Variants in CHCHD6 observed in about 807,000 individuals in gnomAD.
The protein encoded by CHCHD6 is MICOS complex subunit MIC25.
A neutral mutation model predicts 32.3 loss-of-function variants in CHCHD6; 28 were observed. The ratio of observed to expected loss-of-function variants is 0.87; its 90% CI spans 0.64 to 1.19. The LOEUF is 1.19. Ranked by LOEUF, CHCHD6 falls within the 50% of genes most tolerant of loss-of-function variation. The pLI, the probability that CHCHD6 is intolerant of heterozygous loss-of-function variation, is 0.00. For missense variants in CHCHD6, 333 were observed against 307.0 expected (o/e 1.08, Z -0.63); for synonymous variants, 122 against 117.5 (o/e 1.04, Z -0.25).
At chr3:126,907,658 A>G (rs2078025766) in intron 5 of CHCHD6, among the ~76,000 whole-genome samples, 1 of 152,160 alleles carries the variant, frequency 6.6e-6, no homozygotes, top group Non-Finnish European at 1.5e-5. Flanking sequence ...GTGTTTGGCC[A>G]TGTTGATAGC....
chr3:126,870,872 T>A (rs1035836797), intron 5 of CHCHD6, among the ~76,000 whole-genome samples: 2 of 152,232 alleles, frequency 1.3e-5, no homozygotes, highest in Non-Finnish European at 2.9e-5. Context: ...TTCACCAATC[T>A]GTAGTTTGCA....
chr3:126,840,671 T>A (rs1317361506), intron 4 of CHCHD6, among the ~76,000 whole-genome samples: 2 of 152,134 alleles, frequency 1.3e-5, no homozygotes, highest in Non-Finnish European at 2.9e-5. Context: ...CTTTTCTGAT[T>A]AAATATTTAA....
At chr3:126,816,290 G>A (rs1224386292) in intron 4 of CHCHD6, among the ~76,000 whole-genome samples, 1 of 152,206 alleles carries the variant, frequency 6.6e-6, no homozygotes, top group East Asian at 1.9e-4. Flanking sequence ...CATGGGCTTG[G>A]CGCTTTCTCG....
intron 4 of CHCHD6, among the ~76,000 whole-genome samples, chr3:126,775,345 A>G (rs1442303631): frequency 4.6e-5 from 7 of 152,114 alleles, no homozygotes. Flanking sequence ...TCAAATAGAG[A>G]TTGAATATTT....
intron 1 of CHCHD6, among the ~76,000 whole-genome samples, chr3:126,712,850 T>C (rs944512316): frequency 1.3e-5 from 2 of 152,242 alleles, no homozygotes; most frequent in African/African-American, 2.4e-5. Flanking sequence ...TACATTTAAT[T>C]GACTGTGTCC....
At chr3:126,831,806 G>T (rs1208812093) in intron 4 of CHCHD6, among the ~76,000 whole-genome samples, 1 of 152,016 alleles carries the variant, frequency 6.6e-6, no homozygotes, top group African/African-American at 2.4e-5. Flanking sequence ...CTGCCATCAA[G>T]AAGAAGAGTG....
intron 4 of CHCHD6, among the ~76,000 whole-genome samples, chr3:126,819,684 C>A (rs564763655): frequency 1.3e-5 from 2 of 152,310 alleles, no homozygotes; most frequent in African/African-American, 4.8e-5. Context: ...GTAGAAGACT[C>A]TTGGCAAATA....
chr3:126,822,378 A>G (rs1453200218), intron 4 of CHCHD6, among the ~76,000 whole-genome samples: 1 of 152,196 alleles, frequency 6.6e-6, no homozygotes, highest in African/African-American at 2.4e-5. Flanking sequence ...GAATGTAAAT[A>G]TAAGGGTTGA....
intron 4 of CHCHD6, among the ~76,000 whole-genome samples, chr3:126,737,814 C>T (rs1010804508): frequency 4.6e-5 from 7 of 151,788 alleles, no homozygotes; most frequent in African/African-American, 9.7e-5. Context: ...TTATAGGAAG[C>T]GGCAGGGTGT....
intron 2 of CHCHD6, among the ~76,000 whole-genome samples, chr3:126,729,249 G>A (rs566115957): frequency 8.5e-5 from 13 of 152,288 alleles, no homozygotes; most frequent in African/African-American, 3.1e-4. Context: ...ATCTTAATAT[G>A]TAGCGAGTTC....
At chr3:126,893,387 T>C (rs1334394636) in intron 5 of CHCHD6, among the ~76,000 whole-genome samples, 6 of 152,224 alleles carry the variant, frequency 3.9e-5, no homozygotes, top group Non-Finnish European at 7.3e-5. Flanking sequence ...TAGCCCTGAG[T>C]GACTCATTCG....
chr3:126,739,718 T>C (rs1439392320), intron 4 of CHCHD6, among the ~76,000 whole-genome samples: 1 of 152,182 alleles, frequency 6.6e-6, no homozygotes, highest in Non-Finnish European at 1.5e-5. Context: ...CTTTTTTCAT[T>C]TGGCTTTTTT....
At chr3:126,834,870 G>C (rs1236532414) in intron 4 of CHCHD6, among the ~76,000 whole-genome samples, 1 of 152,132 alleles carries the variant, frequency 6.6e-6, no homozygotes, top group African/African-American at 2.4e-5. Flanking sequence ...GAGCACTTGG[G>C]CAGGCAGGGT....
intron 5 of CHCHD6, among the ~76,000 whole-genome samples, chr3:126,882,933 C>T (rs2077630651): frequency 6.6e-6 from 1 of 152,198 alleles, no homozygotes; most frequent in African/African-American, 2.4e-5. Flanking sequence ...TGAGGCTGCT[C>T]ACTGGAATGA....
At chr3:126,905,928 G>A (rs1050574723) in intron 5 of CHCHD6, among the ~76,000 whole-genome samples, 4 of 152,094 alleles carry the variant, frequency 2.6e-5, no homozygotes, top group East Asian at 1.9e-4. Context: ...ACCAAGAGAC[G>A]AGGGCATGTA....
At chr3:126,717,474 TG>T (rs1935075015) in intron 1 of CHCHD6, among the ~76,000 whole-genome samples, 2 of 152,150 alleles carry the variant, frequency 1.3e-5, no homozygotes, top group South Asian at 4.1e-4. Flanking sequence ...TAGACCTGTA[TG>T]GTTTAATAAA....
intron 1 of CHCHD6, among the ~76,000 whole-genome samples, chr3:126,720,407 G>A (rs1935227771): frequency 6.6e-6 from 1 of 152,170 alleles, no homozygotes; most frequent in Non-Finnish European, 1.5e-5. Flanking sequence ...GGGGCCTGGT[G>A]CATTCCCACA....
chr3:126,827,008 G>C (rs532334744), intron 4 of CHCHD6, among the ~76,000 whole-genome samples: 1 of 152,172 alleles, frequency 6.6e-6, no homozygotes, highest in Non-Finnish European at 1.5e-5. Context: ...GGATGTTTGT[G>C]GGGGGCCACA....
chr3:126,746,888 C>T (rs918670221), intron 4 of CHCHD6, among the ~76,000 whole-genome samples: 1 of 152,142 alleles, frequency 6.6e-6, no homozygotes, highest in East Asian at 1.9e-4. Context: ...GGCTTTGCCA[C>T]TTCAGGACAT....
Sources: allele counts gnomAD v4.1 joint callset (sites outside exome capture counted in the v4.1 genomes callset), GRCh38; gene constraint gnomAD v4.1.1; transcripts MANE v1.5; gene names NCBI Gene and HGNC (gene_info 2026-07-23, HGNC 2026-07-21).